MKNK1: variants seen among roughly 807,000 people sequenced by gnomAD.
The protein encoded by MKNK1 is MAPK interacting serine/threonine kinase 1.
In MKNK1, 30 loss-of-function variants were observed where a neutral mutation model predicts 49.3. That is an observed-to-expected ratio of 0.61 (90% CI 0.46 to 0.83). The LOEUF (loss-of-function observed/expected upper bound fraction) is 0.83, where lower values mean the gene tolerates loss of function less well. Among genes scored for constraint, MKNK1 ranks in the 40% least tolerant of loss-of-function variants. MKNK1 has a pLI of 0.00. For missense variants in MKNK1, 423 were observed against 524.7 expected (o/e 0.81, Z 1.89); for synonymous variants, 176 against 201.7 (o/e 0.87, Z 1.08).
rs568296534 is a variant in MKNK1 at position 46,564,466 on chromosome 1, G to GTTTTTTTTTTTTTTTTT, written c.609+558_609+574dup. 2.0e-3 allele frequency among the ~76,000 whole-genome samples: 140 copies of GTTTTTTTTTTTTTTTTT among 70,138 alleles called. 28 individuals are homozygous for GTTTTTTTTTTTTTTTTT. The highest frequency in any genetic ancestry group is 3.6e-3 in the African/African-American group (53 of 14,662). 46.0% of individuals were successfully genotyped at this position (70,138 alleles called of 152,430 possible). A position where few individuals can be genotyped will look rare whatever the true frequency, so the allele number is the denominator to read the frequency against. On this transcript the variant is annotated intron_variant, in intron 9 of 12. Coordinates refer to ENST00000371945, the MANE Select transcript of MKNK1 (RefSeq NM_001135553.4). ...GGGCTCAGCCTGTGTTTTTTTTATT[G>GTTTTTTTTTTTTTTTTT]TTTTTTTTTTTTTTTTTTTTTTTTT...
chr1:46,592,623 G>A (rs1673494277), intron 2 of MKNK1, among the ~76,000 whole-genome samples: 1 of 152,202 alleles, frequency 6.6e-6, no homozygotes, highest in Non-Finnish European at 1.5e-5. Flanking sequence ...GCCTACAACA[G>A]AGACAGGGAG....
intron 6 of MKNK1, chr1:46,573,642 C>T (rs966972107): frequency 2.0e-5 from 3 of 152,128 alleles, no homozygotes; most frequent in Non-Finnish European, 4.4e-5. Flanking sequence ...CCCAGAAAAC[C>T]GGCTCATGAC....
At chr1:46,568,151 C>T (rs1669421753) in intron 8 of MKNK1, 1 of 296,982 alleles carries the variant, frequency 3.4e-6, no homozygotes, top group Non-Finnish European at 6.3e-6. Flanking sequence ...TTACGACTTC[C>T]ATCAACTGAT....
intron 3 of MKNK1, among the ~76,000 whole-genome samples, 158 bp from the exon 4 acceptor site, chr1:46,580,785 A>G (rs1222028160): frequency 1.4e-5 from 2 of 141,808 alleles, no homozygotes; most frequent in Non-Finnish European, 3.2e-5. Flanking sequence ...TTTCCCAGCC[A>G]CCTGAGGACC....
intron 4 of MKNK1, among the ~76,000 whole-genome samples, chr1:46,578,215 G>T (rs2148673404): frequency 6.6e-6 from 1 of 152,330 alleles, no homozygotes; most frequent in Non-Finnish European, 1.5e-5. Flanking sequence ...TATCTGGGGA[G>T]TCAGAGGAAA....
intron 1 of MKNK1, among the ~76,000 whole-genome samples, chr1:46,599,200 T>C (rs1674434506): frequency 6.6e-6 from 1 of 152,208 alleles, no homozygotes; most frequent in South Asian, 2.1e-4. Flanking sequence ...AGAAACAGAC[T>C]GAGGACTCTC....
chr1:46,565,335 T>C, intron 8 of MKNK1, 199 bp from the exon 9 acceptor site: 1 of 587,272 alleles, frequency 1.7e-6, no homozygotes, highest in Non-Finnish European at 3.1e-6. Flanking sequence ...AGCTCTCTTA[T>C]TTCCCATCTA....
chr1:46,576,563 CAT>C lies in MKNK1; in HGVS notation c.278+10_278+11del, dbSNP rs745408817. 31 of 1,606,024 alleles carry C rather than the reference CAT, an allele frequency of 1.9e-5. No homozygotes were observed. In the East Asian group the frequency reaches 3.8e-4, roughly 20 times the overall value. On this transcript the variant is annotated intron_variant, in intron 5 of 12. Transcript: ENST00000371945. Reference sequence around the variant, plus strand: ...CCCCCCAGAGAAGCAGCGAGAATCACATGATACTCACTTGTTTCCCTGACACT... The same window carrying C: ...CCCCCCAGAGAAGCAGCGAGAATCACGATACTCACTTGTTTCCCTGACACT...
At chr1:46,559,182 G>A (rs1667493465) in intron 12 of MKNK1, among the ~76,000 whole-genome samples, 1 of 152,210 alleles carries the variant, frequency 6.6e-6, no homozygotes, top group African/African-American at 2.4e-5. Flanking sequence ...GGCCTGCGCC[G>A]CTTATGCCAC....
chr1:46,578,755 AT>A (rs979975823), intron 4 of MKNK1, among the ~76,000 whole-genome samples: 24 of 145,096 alleles, frequency 1.7e-4, no homozygotes, highest in South Asian at 4.4e-4. Flanking sequence ...CCAGGCTAAC[AT>A]TTTTTTTTTC....
chr1:46,572,265 G>A, intron 6 of MKNK1, 98 bp from the exon 7 acceptor site: 2 of 994,348 alleles, frequency 2.0e-6, no homozygotes, highest in Non-Finnish European at 3.0e-6. Flanking sequence ...CCAGGCTGGA[G>A]AGTAGTGGCA....
chr1:46,575,325 A>C (rs929717480), intron 5 of MKNK1: 2 of 245,496 alleles, frequency 8.1e-6, no homozygotes, highest in African/African-American at 4.5e-5. Context: ...CATTAAACTG[A>C]ATAAAATCTG....
chr1:46,575,895 T>TC (rs1387231958), intron 5 of MKNK1: 4 of 152,258 alleles, frequency 2.6e-5, no homozygotes, highest in Non-Finnish European at 4.4e-5. Flanking sequence ...AGGCAGTGCC[T>TC]GGAGTTAAAT....
At chr1:46,561,954 A>G (rs1433073315) in intron 10 of MKNK1, among the ~76,000 whole-genome samples, 7 of 152,222 alleles carry the variant, frequency 4.6e-5, no homozygotes, top group East Asian at 1.9e-4. Flanking sequence ...TGAACCTCTC[A>G]GGCCTCATCT....
chr1:46,597,481 G>A (rs1482373651), intron 1 of MKNK1, among the ~76,000 whole-genome samples: 1 of 152,134 alleles, frequency 6.6e-6, no homozygotes, highest in Non-Finnish European at 1.5e-5. Flanking sequence ...GGTGTCCACT[G>A]CCTCTGGAGT....
In MKNK1 at chr1:46,600,695, A is replaced by T. The variant is rs191152111; in HGVS notation, c.-171+3490T>A. On this transcript the variant is annotated intron_variant, in intron 1 of 12. Transcript: ENST00000371945. ...GTAGGAGGTGACTGCCATTAAAACC[A>T]CACTAAAACCCAGAGTTGTGGAATT... Among the ~76,000 whole-genome samples, 310 of 152,340 alleles carry T rather than the reference A, an allele frequency of 2.0e-3. 2 individuals are homozygous for T. The highest frequency in any genetic ancestry group is 7.2e-3 in the African/African-American group (300 of 41,578).
chr1:46,581,894 G>A (rs555196672), intron 3 of MKNK1, among the ~76,000 whole-genome samples: 224 of 152,190 alleles, frequency 1.5e-3, no homozygotes, highest in African/African-American at 5.1e-3. Flanking sequence ...CCTTCCAAAG[G>A]AGGCTACATC....
intron 5 of MKNK1, chr1:46,576,359 G>C: frequency 2.0e-6 from 1 of 505,340 alleles, no homozygotes. Flanking sequence ...TTGAATTGAT[G>C]ATATTTACAG....
At chr1:46,575,295 T>C in intron 5 of MKNK1, 1 of 334,988 alleles carries the variant, frequency 3.0e-6, no homozygotes, top group Non-Finnish European at 5.4e-6. Context: ...CTAGGTAGAG[T>C]TATAAAAAAG....
Sources: gnomAD v4.1 joint callset for allele counts (sites outside exome capture counted in the v4.1 genomes callset) on GRCh38, gnomAD v4.1.1 for gene constraint, MANE v1.5 for transcripts, NCBI Gene and HGNC (gene_info 2026-07-23, HGNC 2026-07-21) for gene names.